B9D1: variants seen among roughly 807,000 people sequenced by gnomAD.
B9D1 encodes the protein B9 domain-containing protein 1.
A neutral mutation model predicts 26.1 loss-of-function variants in B9D1; 20 were observed. The observed-to-expected ratio is 0.77, with a 90% CI of 0.54 to 1.12. The LOEUF (loss-of-function observed/expected upper bound fraction) is 1.12. B9D1 is among the 50% of genes most tolerant of loss of function. The pLI is 0.00. For missense variants in B9D1, 260 were observed against 273.7 expected (o/e 0.95, Z 0.35); for synonymous variants, 105 against 103.1 (o/e 1.02, Z -0.11).
intron 5 of B9D1, chr17:19,346,809 G>A: frequency 2.1e-6 from 2 of 937,034 alleles, no homozygotes; most frequent in South Asian, 1.8e-5. Flanking sequence ...GGCAGGCACT[G>A]TTCCCTGTGC....
intron 3 of B9D1, among the ~76,000 whole-genome samples, chr17:19,354,256 G>A (rs562109054): frequency 3.5e-4 from 54 of 152,300 alleles, no homozygotes; most frequent in African/African-American, 1.3e-3. Flanking sequence ...TACTGGCGCT[G>A]ACTCACTACC....
At chr17:19,340,469 G>A (rs866348784), downstream of B9D1, among the ~76,000 whole-genome samples, 1 of 150,468 alleles carries the variant, frequency 6.6e-6, no homozygotes, top group Admixed American at 6.6e-5. Flanking sequence ...ACCATGTCCG[G>A]CCTGGTTGTG....
chr17:19,356,918 T>C (rs752254622), intron 3 of B9D1, among the ~76,000 whole-genome samples: 4 of 152,236 alleles, frequency 2.6e-5, no homozygotes, highest in Middle Eastern at 3.2e-3. Flanking sequence ...AGGAAGTCTA[T>C]TGAAACTTCC....
At position 19,343,202 on chromosome 17, in the gene B9D1, A is replaced by G; in HGVS notation, c.*117T>C. 6.5e-7 allele frequency: 1 copy of G among 1,544,706 alleles called. No individual in the cohort carries two copies. Among genetic ancestry groups the G allele is most frequent in the Non-Finnish European group, 8.7e-7 (1 of 1,152,752 alleles). On this transcript the variant is annotated 3_prime_UTR_variant, in exon 7 of 7. Transcript: ENST00000261499. ...TCTGAAAATGAGACTTTATTATACA[A>G]AACTATTCTGTGTGCCCCCAGCTCT...
At position 19,347,948 on chromosome 17, in the gene B9D1, G is replaced by T; in HGVS notation, c.245-68C>A. On this transcript the variant is annotated intron_variant, in intron 3 of 6. Coordinates refer to ENST00000261499, the MANE Select transcript of B9D1 (RefSeq NM_015681.6). The surrounding 1 kb of genome is among the most constrained non-coding windows in gnomAD (Gnocchi z 4.3). Reference sequence around the variant, plus strand: ...AGGGGAGGTGCAGGGCAGAGAACAGGGCGTGTCCAGCTGAGGGTGCTCAAA... The same window carrying T: ...AGGGGAGGTGCAGGGCAGAGAACAGTGCGTGTCCAGCTGAGGGTGCTCAAA... The T allele has an allele frequency of 7.2e-7, 1 of 1,379,994 alleles. No homozygotes were observed. Among genetic ancestry groups the T allele is most frequent in the Non-Finnish European group, 1.0e-6 (1 of 975,370 alleles). 85.5% of individuals were successfully genotyped at this position (1,379,994 alleles called of 1,614,324 possible).
At chr17:19,363,558 AC>A (rs1174975398), upstream of B9D1, 1 of 152,196 alleles carries the variant, frequency 6.6e-6, no homozygotes, top group Non-Finnish European at 1.5e-5. Context: ...GAGGCTAACA[AC>A]CCTCACTGCC....
At chr17:19,369,913 C>G (rs546660548) in intron 1 of B9D1, among the ~76,000 whole-genome samples, 15 of 152,162 alleles carry the variant, frequency 9.9e-5, no homozygotes, top group Admixed American at 9.8e-4. Flanking sequence ...TACCTAGTGC[C>G]CCGCCAAACA....
chr17:19,357,915 T>C lies in B9D1; in HGVS notation c.169A>G (p.Ser57Gly). 1 of 1,614,086 alleles carries C rather than the reference T, an allele frequency of 6.2e-7. No individual in the cohort carries two copies. The highest frequency in any genetic ancestry group is 1.1e-5 in the South Asian group (1 of 91,074). ...ACCAGTGCTTGCCGCACATCTTGGC[T>C]CTTGGATGTGATCTGTGAGATCCCC... ...EEGISQITSK[S>G]QDVRQALVWN... The change falls in exon 3 of 7, where the codon AGC (serine) becomes GGC (glycine). Residue 57 changes from serine to glycine, a missense_variant. Physicochemically the swap from Ser to Gly is moderately conservative, Grantham distance 56. Transcript: ENST00000261499.
At chr17:19,334,862 T>C (rs193146397), downstream of B9D1, 302 of 153,390 alleles carry the variant, frequency 2.0e-3, no homozygotes, top group Non-Finnish European at 3.8e-3. The surrounding 1 kb of genome is among the most constrained non-coding windows in gnomAD (Gnocchi z 4.9). Flanking sequence ...TTTGCACATA[T>C]TTTGTTTAGT....
At chr17:19,346,687 CCT>C (rs1176483469) in intron 5 of B9D1, among the ~76,000 whole-genome samples, 2 of 152,190 alleles carry the variant, frequency 1.3e-5, no homozygotes, top group East Asian at 3.9e-4. Flanking sequence ...TGCCTGCCTC[CCT>C]GATGTCTCCC....
downstream of B9D1, among the ~76,000 whole-genome samples, chr17:19,341,991 C>T (rs970115259): frequency 2.6e-5 from 4 of 152,068 alleles, no homozygotes; most frequent in African/African-American, 9.7e-5. Flanking sequence ...ATGCCTCAAT[C>T]CAGACTTTGG....
intron 6 of B9D1, 157 bp downstream of exon 6, chr17:19,343,633 C>A: frequency 6.3e-7 from 1 of 1,580,226 alleles, no homozygotes; most frequent in Non-Finnish European, 8.6e-7. Context: ...ACATGACAAA[C>A]CCTCTGTGCT....
chr17:19,342,972 A>G (rs1232510962), downstream of B9D1: 16 of 688,676 alleles, frequency 2.3e-5, no homozygotes, highest in Non-Finnish European at 3.2e-5. Flanking sequence ...AAGGCCACAC[A>G]GCTTTGAGTG....
At chr17:19,369,351 C>T (rs995085074) in intron 1 of B9D1, among the ~76,000 whole-genome samples, 5 of 152,194 alleles carry the variant, frequency 3.3e-5, no homozygotes, top group Non-Finnish European at 5.9e-5. Flanking sequence ...CCCAGGGCCG[C>T]GTTCGGTGTG....
chr17:19,376,157 C>T (rs557071793), intron 1 of B9D1, among the ~76,000 whole-genome samples: 3 of 152,256 alleles, frequency 2.0e-5, no homozygotes, highest in South Asian at 2.1e-4. Flanking sequence ...ATCCACAATA[C>T]GCAAGTCCAT....
chr17:19,362,730 G>A, upstream of B9D1: 1 of 1,523,240 alleles, frequency 6.6e-7, no homozygotes, highest in Non-Finnish European at 8.8e-7. Context: ...ATGCGCAGGC[G>A]CAGTGAACGG....
rs993038281 is a variant in B9D1, at chr17:19,347,430, G to A, written c.342-99C>T. On this transcript the variant is annotated intron_variant, in intron 4 of 6. Coordinates refer to ENST00000261499, the MANE Select transcript of B9D1 (RefSeq NM_015681.6). The surrounding 1 kb of genome is among the most constrained non-coding windows in gnomAD (Gnocchi z 4.3). The stretch of plus-strand genomic sequence containing the variant: ...CAGATCAGGCCAGTGCAGCTGCAGC[G>A]TGGGCCAAGTCAGGGCCAATGTCAA... The A allele has an allele frequency of 7.1e-6, 10 of 1,412,026 alleles. No individual in the cohort carries two copies. The highest frequency in any genetic ancestry group is 5.4e-5 in the Admixed American group (3 of 55,398). The allele number at this position is 1,412,026 out of a possible 1,614,324, so 87.5% of individuals were successfully genotyped here. A position where few individuals can be genotyped will look rare whatever the true frequency, so the allele number is the denominator to read the frequency against.
intron 3 of B9D1, among the ~76,000 whole-genome samples, chr17:19,351,438 A>G (rs1236100309): frequency 1.3e-5 from 2 of 152,222 alleles, no homozygotes; most frequent in Non-Finnish European, 2.9e-5. Context: ...AACTCTGTTC[A>G]TGAAGGAGTT....
chr17:19,337,590 A>G (rs755601939), downstream of B9D1: 13 of 863,832 alleles, frequency 1.5e-5, no homozygotes, highest in South Asian at 1.4e-4. Context: ...ACAGGAGAGA[A>G]AGAAGGGTGT....
Sources: allele counts gnomAD v4.1 joint callset (sites outside exome capture counted in the v4.1 genomes callset), GRCh38; gene constraint gnomAD v4.1.1; non-coding constraint Gnocchi (gnomAD v3.1); transcripts MANE v1.5; gene names NCBI Gene and HGNC (gene_info 2026-07-23, HGNC 2026-07-21).